GPR89B: variants seen among roughly 807,000 people sequenced by gnomAD.
GPR89B encodes the protein golgi pH regulator B, also known as G protein-coupled receptor 89B.
In GPR89B, 25 loss-of-function variants were observed where a neutral mutation model predicts 52.4. The ratio of observed to expected loss-of-function variants is 0.48; its 90% CI spans 0.35 to 0.67. The LOEUF (loss-of-function observed/expected upper bound fraction) is 0.67. Among genes scored for constraint, GPR89B ranks in the 30% least tolerant of loss-of-function variants. GPR89B has a pLI of 0.01. For synonymous variants in GPR89B, 52 were observed against 151.2 expected (o/e 0.34, Z 4.81); for missense variants, 146 against 450.2 (o/e 0.32, Z 6.11).
chr1:147,959,343 A>G (rs1656366982), intron 7 of GPR89B, among the ~76,000 whole-genome samples: 1 of 152,176 alleles, frequency 6.6e-6, no homozygotes, highest in Non-Finnish European at 1.5e-5. Flanking sequence ...GCCATTCTCA[A>G]TAGAGGAAAC....
chr1:147,969,226 G>A (rs1219694511), intron 9 of GPR89B: 81 of 438,810 alleles, frequency 1.8e-4, no homozygotes, highest in Non-Finnish European at 2.8e-4. Flanking sequence ...AAGGTGGCAC[G>A]TACCACCTCC....
chr1:147,970,491 A>ATCTCTCTCTCTCTCTCCCTCCCTCTCTC (rs1558058762), intron 10 of GPR89B, among the ~76,000 whole-genome samples: 213 of 105,706 alleles, frequency 2.0e-3, no homozygotes, highest in Non-Finnish European at 2.4e-3. Context: ...GTGAGACTCC[A>ATCTCTCTCTCTCTCTCCCTCCCTCTCTC]TCTCTCTCTC....
At chr1:148,008,506 G>A in the GPR89B span, among the ~76,000 whole-genome samples, 10 of 152,084 alleles carry the variant, frequency 6.6e-5, no homozygotes, top group Admixed American at 4.6e-4. Context: ...GTCTGCTGCT[G>A]TATCACTTGC....
the GPR89B span, among the ~76,000 whole-genome samples, chr1:148,009,106 A>T: frequency 6.6e-6 from 1 of 152,176 alleles, no homozygotes. Flanking sequence ...GGACAGGAGT[A>T]CCCAGTGCCC....
chr1:148,001,967 C>T, the GPR89B span, among the ~76,000 whole-genome samples: 7 of 150,650 alleles, frequency 4.6e-5, no homozygotes, highest in Non-Finnish European at 8.8e-5. Flanking sequence ...TGGGTGTGTT[C>T]GGTTTTGAAT....
At chr1:148,012,549 G>A in the GPR89B span, among the ~76,000 whole-genome samples, 1 of 150,508 alleles carries the variant, frequency 6.6e-6, no homozygotes, top group Non-Finnish European at 1.5e-5. Flanking sequence ...GCTGCTGGAG[G>A]AAAGTCGGGT....
the GPR89B span, among the ~76,000 whole-genome samples, chr1:148,007,256 T>C: frequency 6.6e-6 from 1 of 151,084 alleles, no homozygotes; most frequent in Admixed American, 6.6e-5. Flanking sequence ...TTTGTATTTT[T>C]AGTAGAGACA....
chr1:147,991,310 CT>C (rs1230495248), intron 12 of GPR89B, among the ~76,000 whole-genome samples: 1 of 152,052 alleles, frequency 6.6e-6, no homozygotes, highest in African/African-American at 2.4e-5. Context: ...TATCCTGAGA[CT>C]TTGCTGAAGT....
At chr1:148,003,496 G>T in the GPR89B span, among the ~76,000 whole-genome samples, 2 of 152,068 alleles carry the variant, frequency 1.3e-5, no homozygotes, top group East Asian at 3.9e-4. Flanking sequence ...TACCAATTTG[G>T]TACCAAAAAC....
intron 1 of GPR89B, among the ~76,000 whole-genome samples, chr1:147,935,459 A>T (rs1301898478): frequency 6.6e-6 from 1 of 152,234 alleles, no homozygotes; most frequent in Admixed American, 6.5e-5. Flanking sequence ...GTCAGTGTGT[A>T]TGTATAGAAA....
chr1:148,025,523 CAAAAAAA>C, the GPR89B span, among the ~76,000 whole-genome samples: 4 of 29,680 alleles, frequency 1.3e-4, no homozygotes, highest in Admixed American at 5.0e-4. Flanking sequence ...AACTCTGTCT[CAAAAAAA>C]AAAAAAAAAA....
chr1:147,947,943 ATATT>A (rs1357844258), intron 5 of GPR89B, among the ~76,000 whole-genome samples: 1 of 152,262 alleles, frequency 6.6e-6, no homozygotes, highest in African/African-American at 2.4e-5. Context: ...CATTACACAA[ATATT>A]TATTGAGCAT....
the GPR89B span, among the ~76,000 whole-genome samples, chr1:148,007,326 C>T: frequency 1.3e-4 from 20 of 152,280 alleles, no homozygotes; most frequent in African/African-American, 4.3e-4. Flanking sequence ...CCGCCTGCCT[C>T]GGCCTCCCAA....
intron 5 of GPR89B, among the ~76,000 whole-genome samples, chr1:147,949,732 C>G (rs1330897663): frequency 7.1e-6 from 1 of 140,830 alleles, no homozygotes; most frequent in Non-Finnish European, 1.5e-5. Flanking sequence ...ATCCTCACTT[C>G]CCAGTAGGGG....
At chr1:147,943,661 A>G in intron 4 of GPR89B, 117 bp downstream of exon 4, 1 of 610,678 alleles carries the variant, frequency 1.6e-6, no homozygotes, top group Non-Finnish European at 2.8e-6. Flanking sequence ...ATTTGAGGAT[A>G]CCTCACACAC....
the GPR89B span, among the ~76,000 whole-genome samples, chr1:148,008,575 G>C: frequency 6.6e-6 from 1 of 152,194 alleles, no homozygotes; most frequent in Non-Finnish European, 1.5e-5. Context: ...GGCAGAGGCA[G>C]TGTTCAAGAA....
chr1:147,992,361 A>C, intron 12 of GPR89B, 141 bp from the exon 13 acceptor site: 1 of 691,024 alleles, frequency 1.4e-6, no homozygotes, highest in Non-Finnish European at 2.6e-6. Flanking sequence ...TCTTCTTTAT[A>C]GTCTTAATCA....
At chr1:147,949,863 T>C (rs1209401055) in intron 5 of GPR89B, among the ~76,000 whole-genome samples, 6 of 89,654 alleles carry the variant, frequency 6.7e-5, no homozygotes, top group Non-Finnish European at 1.3e-4. Flanking sequence ...CACTTCCCAG[T>C]AGGGGCGGCC....
chr1:147,934,791 C>G (rs1199384995), intron 1 of GPR89B, among the ~76,000 whole-genome samples: 1 of 152,052 alleles, frequency 6.6e-6, no homozygotes, highest in Admixed American at 6.5e-5. Flanking sequence ...ATATTGTGAG[C>G]TCCTAGAGGG....
Sources: gnomAD v4.1 joint callset for allele counts (sites outside exome capture counted in the v4.1 genomes callset) on GRCh38, gnomAD v4.1.1 for gene constraint, MANE v1.5 for transcripts, NCBI Gene and HGNC (gene_info 2026-07-23, HGNC 2026-07-21) for gene names.